The following UNC80 variants were observed in gnomAD, a reference collection of about 807,000 sequenced individuals.
UNC80 encodes unc-80 subunit of NALCN channel complex.
In UNC80, 164 loss-of-function variants were observed where a neutral mutation model predicts 384.6. The ratio of observed to expected loss-of-function variants is 0.43; its 90% CI spans 0.38 to 0.49. UNC80 has a LOEUF of 0.49. UNC80 is among the 20% of genes least tolerant of loss of function. The pLI is 0.00. For synonymous variants in UNC80, 1,486 were observed against 1,527.8 expected, an observed-to-expected ratio of 0.97 and a Z score of 0.64; for missense variants, 3,330 against 4,143.0, an observed-to-expected ratio of 0.80 and a Z score of 5.39.
intron 61 of UNC80, among the ~76,000 whole-genome samples, chr2:209,987,415 T>A (rs1386722182): frequency 6.6e-6 from 1 of 152,250 alleles, no homozygotes; most frequent in Non-Finnish European, 1.5e-5. Flanking sequence ...ATTAATAAGA[T>A]GAAATCATAT....
At chr2:209,915,261 C>T (rs1177263193) in intron 31 of UNC80, among the ~76,000 whole-genome samples, 2 of 151,954 alleles carry the variant, frequency 1.3e-5, no homozygotes, top group East Asian at 3.9e-4. Flanking sequence ...AAAAATTAGC[C>T]GGGCATGGTG....
chr2:209,892,697 T>G (rs919872883), intron 26 of UNC80, among the ~76,000 whole-genome samples: 1 of 152,230 alleles, frequency 6.6e-6, no homozygotes, highest in Admixed American at 6.5e-5. Flanking sequence ...CCGAATCTAC[T>G]TAGACATGAA....
At chr2:209,967,799 G>A in intron 52 of UNC80, 162 bp downstream of exon 52, 1 of 604,282 alleles carries the variant, frequency 1.7e-6, no homozygotes, top group Middle Eastern at 4.5e-4. Flanking sequence ...AAGTAGCAAA[G>A]CCTACATTTT....
chr2:209,974,886 G>A (rs182172842), intron 56 of UNC80, among the ~76,000 whole-genome samples: 31 of 152,344 alleles, frequency 2.0e-4, no homozygotes, highest in East Asian at 1.4e-3. Context: ...CAGTGAAAAC[G>A]TCATCAGAAT....
At chr2:209,837,317 T>C (rs1448942102) in intron 18 of UNC80, among the ~76,000 whole-genome samples, 2 of 152,206 alleles carry the variant, frequency 1.3e-5, no homozygotes, top group East Asian at 3.8e-4. Context: ...CCTTGTACTT[T>C]CCAAATTACT....
At chr2:209,880,151 C>T (rs2085156406) in intron 24 of UNC80, among the ~76,000 whole-genome samples, 1 of 151,970 alleles carries the variant, frequency 6.6e-6, no homozygotes, top group Non-Finnish European at 1.5e-5. Flanking sequence ...CATCCTGTGT[C>T]ATCAGTTGTG....
chr2:209,992,111 A>AG, intron 61 of UNC80, 55 bp from the exon 62 acceptor site: 1 of 1,460,588 alleles, frequency 6.8e-7, no homozygotes. Flanking sequence ...CACCCACCAG[A>AG]GGACAGTCTC....
intron 29 of UNC80, among the ~76,000 whole-genome samples, chr2:209,906,757 ATGTATATGTATATACAT>A: frequency 6.6e-6 from 1 of 152,334 alleles, no homozygotes. Context: ...GTGTGCATAC[ATGTATATGTATATACAT>A]TGTATATATA....
At chr2:209,847,522 A>G (rs1360422882) in intron 21 of UNC80, among the ~76,000 whole-genome samples, 4 of 151,752 alleles carry the variant, frequency 2.6e-5, no homozygotes, top group African/African-American at 9.7e-5. Context: ...TAATAAATAT[A>G]TATTATTCTG....
chr2:209,961,277 A>G (rs1230162784), intron 51 of UNC80: 1 of 151,180 alleles, frequency 6.6e-6, no homozygotes, highest in East Asian at 1.9e-4. Context: ...TGTGCCTGGC[A>G]CAGATCTGGA....
intron 47 of UNC80, among the ~76,000 whole-genome samples, chr2:209,947,729 A>T (rs970520781): frequency 5.9e-5 from 9 of 151,798 alleles, no homozygotes; most frequent in East Asian, 1.9e-4. Context: ...AATTTTTTTT[A>T]AAAGTATTTT....
At position 209,880,654 on chromosome 2, in the gene UNC80, G is replaced by A. The variant is rs184222468; in HGVS notation, c.3977-307G>A. On this transcript the variant is annotated intron_variant, in intron 24 of 64. Transcript: ENST00000673920. ...TTGGAGCTGCATTTTGTTACTCTATGATGCTTTAAGGAAAATAATTTAGTT... is the reference window on the plus strand; with the variant it reads ...TTGGAGCTGCATTTTGTTACTCTATAATGCTTTAAGGAAAATAATTTAGTT... 2.0e-3 allele frequency among the ~76,000 whole-genome samples: 301 copies of A among 152,292 alleles called. 2 individuals carry two copies. The highest frequency in any genetic ancestry group is 0.01 in the Middle Eastern group (3 of 294).
At chr2:209,921,738 G>A (rs746240172) in intron 34 of UNC80, 52 bp downstream of exon 34, 37 of 1,479,506 alleles carry the variant, frequency 2.5e-5, no homozygotes, top group Non-Finnish European at 3.2e-5. Flanking sequence ...GGGAAATAAC[G>A]TGCTCTGAAA....
chr2:209,964,852 A>G (rs537229970), intron 51 of UNC80, among the ~76,000 whole-genome samples: 1 of 151,976 alleles, frequency 6.6e-6, no homozygotes, highest in Non-Finnish European at 1.5e-5. Context: ...ACTTAAGGAC[A>G]TATCAACAAA....
At chr2:209,946,582 A>T (rs1049776224) in intron 47 of UNC80, among the ~76,000 whole-genome samples, 2 of 152,136 alleles carry the variant, frequency 1.3e-5, no homozygotes, top group Non-Finnish European at 2.9e-5. Context: ...TTCATAACAG[A>T]TATTTATTTA....
chr2:209,774,960 A>G (rs1047573145), intron 2 of UNC80, among the ~76,000 whole-genome samples: 3 of 152,178 alleles, frequency 2.0e-5, no homozygotes, highest in South Asian at 2.1e-4. Flanking sequence ...AATAATTCCA[A>G]TAATACAGTT....
In UNC80 at chr2:209,817,488, A is replaced by T. The variant is rs182374858; in HGVS notation, c.1553-324A>T. On this transcript the variant is annotated intron_variant, in intron 10 of 64. Coordinates refer to ENST00000673920, the MANE Select transcript of UNC80 (RefSeq NM_001371986.1). ...GAAAAAAGCAAAGCAAAGGAAAAAAAATATATATATTATATATATTTTCTT... is the reference window on the plus strand; with the variant it reads ...GAAAAAAGCAAAGCAAAGGAAAAAATATATATATATTATATATATTTTCTT... Among the ~76,000 whole-genome samples, 617 of 151,618 alleles carry T rather than the reference A, an allele frequency of 4.1e-3. 4 individuals carry two copies. Among genetic ancestry groups the T allele is most frequent in the African/African-American group, 9.7e-3 (401 of 41,382 alleles).
intron 7 of UNC80, among the ~76,000 whole-genome samples, chr2:209,807,974 GAAATGTGATTTTACTTAAC>G (rs1349034442): frequency 5.3e-5 from 8 of 152,058 alleles, no homozygotes; most frequent in Admixed American, 3.9e-4. Flanking sequence ...TCAATCAATT[GAAATGTGATTTTACTTAAC>G]AAATTTTGAT....
chr2:209,992,336 G>C (rs2093407467), intron 62 of UNC80, 89 bp downstream of exon 62: 1 of 1,271,182 alleles, frequency 7.9e-7, no homozygotes, highest in Non-Finnish European at 1.1e-6. Flanking sequence ...AAGATATTTT[G>C]CTGCTGGACG....
Sources: gnomAD v4.1 joint callset for allele counts (sites outside exome capture counted in the v4.1 genomes callset) on GRCh38, gnomAD v4.1.1 for gene constraint, MANE v1.5 for transcripts, NCBI Gene and HGNC (gene_info 2026-07-23, HGNC 2026-07-21) for gene names.